Variants in GPBP1L1 observed in about 807,000 individuals in gnomAD.
GPBP1L1 encodes the protein vasculin-like protein 1.
Under a neutral mutation model 52.5 loss-of-function variants are expected in GPBP1L1, and 23 were observed. The ratio of observed to expected loss-of-function variants is 0.44; its 90% CI spans 0.32 to 0.62. The LOEUF is 0.62. Among genes scored for constraint, GPBP1L1 ranks in the 20% least tolerant of loss-of-function variants. GPBP1L1 has a pLI of 0.06. For synonymous variants in GPBP1L1, 243 were observed against 203.1 expected (o/e 1.20, Z -1.67); for missense variants, 596 against 579.3 (o/e 1.03, Z -0.30).
In GPBP1L1 at chr1:45,661,010, T is replaced by C. The variant is rs1644941190; in HGVS notation, c.-882A>G. On this transcript the variant is annotated 5_prime_UTR_variant, in exon 3 of 13. Transcript: ENST00000355105. ...ATTAGAACGATGGGTAGGATGGATA[T>C]TAAGAAATAGTCAAGGAGAAATATA... The C allele has an allele frequency of 6.6e-6, 1 of 152,198 alleles. No individual in the cohort carries two copies. Among genetic ancestry groups the C allele is most frequent in the South Asian group, 2.1e-4 (1 of 4,836 alleles). 9.4% of individuals were successfully genotyped at this position (152,198 alleles called of 1,614,324 possible).
intron 6 of GPBP1L1, among the ~76,000 whole-genome samples, chr1:45,648,703 C>T (rs1644783778): frequency 1.3e-5 from 2 of 152,196 alleles, no homozygotes; most frequent in Admixed American, 6.5e-5. Flanking sequence ...CTCAACTCTA[C>T]TTGCTTTGTC....
At chr1:45,665,752 A>T (rs1045797462) in intron 2 of GPBP1L1, among the ~76,000 whole-genome samples, 7 of 147,954 alleles carry the variant, frequency 4.7e-5, no homozygotes, top group African/African-American at 1.8e-4. Context: ...TTAAAAAAAA[A>T]AAAAAAAAAA....
At chr1:45,646,190 C>A in intron 6 of GPBP1L1, 1 of 322,770 alleles carries the variant, frequency 3.1e-6, no homozygotes, top group Non-Finnish European at 5.9e-6. Context: ...GATGTTCACA[C>A]ACACCATTGT....
chr1:45,633,441 T>A, intron 10 of GPBP1L1, 48 bp downstream of exon 10: 1 of 1,595,032 alleles, frequency 6.3e-7, no homozygotes, highest in Non-Finnish European at 8.6e-7. Flanking sequence ...CACGTATGTA[T>A]CAAAGGAAAA....
At chr1:45,630,736 TTC>T in intron 10 of GPBP1L1, 130 bp from the exon 11 acceptor site, 1 of 1,022,408 alleles carries the variant, frequency 9.8e-7, no homozygotes, top group African/African-American at 1.6e-5. Context: ...ACAGATTTTT[TTC>T]CCCATTTACA....
chr1:45,679,856 G>A (rs3014231), intron 2 of GPBP1L1, among the ~76,000 whole-genome samples: 2 of 147,698 alleles, frequency 1.4e-5, no homozygotes, highest in Non-Finnish European at 3.0e-5. Flanking sequence ...AAGTTCAAGA[G>A]CAGCCTGGAC....
chr1:45,651,395 G>A (rs918561699), intron 6 of GPBP1L1: 2 of 390,092 alleles, frequency 5.1e-6, no homozygotes, highest in Non-Finnish European at 9.7e-6. Context: ...CTCCACCAAG[G>A]TGGTGAAGTG....
Position 45,654,571 on chromosome 1 carries a change from T to A in GPBP1L1, c.449A>T (p.Glu150Val). The A allele has an allele frequency of 6.2e-7, 1 of 1,611,900 alleles. No individual in the cohort carries two copies. The highest frequency in any genetic ancestry group is 1.1e-5 in the South Asian group (1 of 91,044). ...IREEKKEDKV[E>V]KLQFEEEDFP... ...GTCCTCCTCTTCAAACTGCAACTTT[T>A]CCACCTTGTCTTCTTTCTTTTCTTC... Residue 150 changes from glutamate to valine, a missense_variant, in exon 6 of 13, where the codon GAA becomes GTA. Coordinates refer to ENST00000355105, the MANE Select transcript of GPBP1L1 (RefSeq NM_021639.5).
At chr1:45,654,155 C>A (rs1226943372) in intron 6 of GPBP1L1, 1 of 163,266 alleles carries the variant, frequency 6.1e-6, no homozygotes, top group Non-Finnish European at 1.3e-5. Flanking sequence ...CTCCCAATTA[C>A]ATGTTCATGT....
chr1:45,650,739 C>G (rs985549674), intron 6 of GPBP1L1, among the ~76,000 whole-genome samples: 1 of 152,088 alleles, frequency 6.6e-6, no homozygotes, highest in Non-Finnish European at 1.5e-5. Context: ...GTCTCCCTTA[C>G]TGCTAATCCA....
chr1:45,647,438 A>G (rs1644763852), intron 6 of GPBP1L1, among the ~76,000 whole-genome samples: 1 of 152,196 alleles, frequency 6.6e-6, no homozygotes, highest in Non-Finnish European at 1.5e-5. Flanking sequence ...TAGCATGAAC[A>G]ACGATAGAAC....
intron 6 of GPBP1L1, among the ~76,000 whole-genome samples, chr1:45,645,485 A>G (rs1644732194): frequency 6.6e-6 from 1 of 152,260 alleles, no homozygotes. Flanking sequence ...GTTTCAGAAT[A>G]GCAATGTCAG....
Position 45,643,658 on chromosome 1 carries a change from C to CTTT in GPBP1L1, c.478-1162_478-1160dup, listed in dbSNP as rs113388167. On this transcript the variant is annotated intron_variant, in intron 6 of 12. Transcript: ENST00000355105. ...ATCTGGTAACAGGGTAGGAGAATGG[C>CTTT]TTTTTTTTTTTTTTTTTTTTTTTTT... 4.8e-4 allele frequency among the ~76,000 whole-genome samples: 31 copies of CTTT among 65,144 alleles called. 2 individuals carry two copies. Among genetic ancestry groups the CTTT allele is most frequent in the African/African-American group, 7.0e-4 (11 of 15,656 alleles). 42.7% of individuals were successfully genotyped at this position (65,144 alleles called of 152,430 possible).
At chr1:45,637,476 ATCTCTGCCAT>A (rs1477401178) in intron 8 of GPBP1L1, among the ~76,000 whole-genome samples, 1 of 115,414 alleles carries the variant, frequency 8.7e-6, no homozygotes, top group Non-Finnish European at 2.0e-5. Context: ...AACTGTTACC[ATCTCTGCCAT>A]TCTCTGCCAA....
At chr1:45,634,368 T>C (rs1327050161) in intron 8 of GPBP1L1, 132 bp from the exon 9 acceptor site, 2 of 880,572 alleles carry the variant, frequency 2.3e-6, no homozygotes, top group African/African-American at 3.3e-5. Flanking sequence ...CTTAACATGT[T>C]TGGGAAGTAT....
At position 45,654,737 on chromosome 1, in the gene GPBP1L1, C is replaced by G. The variant is rs1235705678; in HGVS notation, c.283G>C (p.Gly95Arg). 5 of 1,614,048 alleles carry G rather than the reference C, an allele frequency of 3.1e-6. No individual in the cohort carries two copies. Among genetic ancestry groups the G allele is most frequent in the Middle Eastern group, 1.6e-4 (1 of 6,084 alleles). Residue 95 changes from glycine to arginine, a missense_variant, in exon 6 of 13, where the codon GGT (glycine) becomes CGT (arginine). Coordinates refer to ENST00000355105, the MANE Select transcript of GPBP1L1 (RefSeq NM_021639.5). ...AYAGITGNPS[G>R]WHSSSRGHDG... ...TGACCTCGGGAAGAGCTATGCCAACCAGATGGGTTCCCTGTGATTCCAGCA... is the reference window on the plus strand; with the variant it reads ...TGACCTCGGGAAGAGCTATGCCAACGAGATGGGTTCCCTGTGATTCCAGCA...
At chr1:45,663,504 C>T (rs1644971983) in intron 2 of GPBP1L1, among the ~76,000 whole-genome samples, 2 of 152,164 alleles carry the variant, frequency 1.3e-5, no homozygotes, top group African/African-American at 2.4e-5. Flanking sequence ...GCTACTATTA[C>T]GGGTCCTACT....
intron 2 of GPBP1L1, among the ~76,000 whole-genome samples, chr1:45,664,728 T>G (rs114160123): frequency 0.097 from 14,691 of 152,020 alleles, 868 homozygotes; most frequent in Non-Finnish European, 0.14. Context: ...CTGGCTGGAG[T>G]GCAGTGGCAT....
At position 45,642,435 on chromosome 1, in the gene GPBP1L1, C is replaced by A. The variant is rs540229680; in HGVS notation, c.542G>T (p.Gly181Val). The A allele has an allele frequency of 8.1e-6, 13 of 1,613,414 alleles. No homozygotes were observed. Among genetic ancestry groups the A allele is most frequent in the Non-Finnish European group, 1.1e-5 (13 of 1,179,388 alleles). Reference sequence around the variant, plus strand: ...TGGCAAAATCTACCTACCCCATACTCCAGAAGGTGTCCCAATAGGTCTGCA... The same window carrying A: ...TGGCAAAATCTACCTACCCCATACTACAGAAGGTGTCCCAATAGGTCTGCA... Reference protein sequence around the residue: ...QPCRPIGTPSGVWENPPSAKQ... With the variant: ...QPCRPIGTPSVVWENPPSAKQ... The change falls in exon 7 of 13, where the codon GGA (glycine) becomes GTA (valine). Residue 181 changes from glycine (G) to valine (V), a missense_variant. Coordinates refer to ENST00000355105, the MANE Select transcript of GPBP1L1 (RefSeq NM_021639.5).
Sources: gnomAD v4.1 joint callset for allele counts (sites outside exome capture counted in the v4.1 genomes callset) on GRCh38, gnomAD v4.1.1 for gene constraint, MANE v1.5 for transcripts, NCBI Gene and HGNC (gene_info 2026-07-23, HGNC 2026-07-21) for gene names.